Variants in CPHXL2 observed in about 807,000 individuals in gnomAD.
CPHXL2 encodes the protein cytoplasmic polyadenylated homeobox like 2, also known as cytoplasmic polyadenylated homeobox-like protein 2.
chr16:75,674,076 G>T, the CPHXL2 span, among the ~76,000 whole-genome samples: 1 of 150,588 alleles, frequency 6.6e-6, no homozygotes, highest in Admixed American at 6.6e-5. Flanking sequence ...CAAAAGAAGT[G>T]CAAAATCTGT....
chr16:75,670,993 C>T, the CPHXL2 span, among the ~76,000 whole-genome samples: 3 of 152,154 alleles, frequency 2.0e-5, no homozygotes, highest in African/African-American at 4.8e-5. Flanking sequence ...CCACTTCTTC[C>T]TCTTCTGATC....
chr16:75,674,495 T>G, the CPHXL2 span, among the ~76,000 whole-genome samples: 1 of 152,048 alleles, frequency 6.6e-6, no homozygotes, highest in African/African-American at 2.4e-5. Flanking sequence ...AACTTAATAT[T>G]GCTAATATAA....
At chr16:75,669,619 A>C in the CPHXL2 span, 1 of 398,150 alleles carries the variant, frequency 2.5e-6, no homozygotes, top group Non-Finnish European at 4.4e-6. Context: ...AGACCAAAGA[A>C]GAGTGTTAGC....
chr16:75,664,350 G>T, the CPHXL2 span, among the ~76,000 whole-genome samples: 3 of 152,162 alleles, frequency 2.0e-5, no homozygotes, highest in Non-Finnish European at 4.4e-5. Context: ...CTTCAGCCGG[G>T]TGCAGTGGCT....
chr16:75,664,454 C>T, the CPHXL2 span, among the ~76,000 whole-genome samples: 22 of 151,988 alleles, frequency 1.4e-4, no homozygotes, highest in Admixed American at 6.6e-4. Flanking sequence ...GGAGAAACCC[C>T]GTATTTACTA....
At chr16:75,665,713 AT>A in the CPHXL2 span, among the ~76,000 whole-genome samples, 1 of 152,140 alleles carries the variant, frequency 6.6e-6, no homozygotes, top group Non-Finnish European at 1.5e-5. Flanking sequence ...AAATACAAAA[AT>A]TATCTGGACA....
At chr16:75,672,953 G>A in the CPHXL2 span, among the ~76,000 whole-genome samples, 2 of 151,854 alleles carry the variant, frequency 1.3e-5, no homozygotes, top group Non-Finnish European at 2.9e-5. Flanking sequence ...GGTGGCACGT[G>A]CCTGTATTCC....
the CPHXL2 span, among the ~76,000 whole-genome samples, chr16:75,674,230 G>A: frequency 5.5e-5 from 8 of 145,266 alleles, no homozygotes; most frequent in African/African-American, 1.1e-4. Flanking sequence ...AAAATTAGCC[G>A]GGTGTGGTGG....
At chr16:75,664,025 C>CCAGA in the CPHXL2 span, among the ~76,000 whole-genome samples, 2 of 152,138 alleles carry the variant, frequency 1.3e-5, no homozygotes, top group Non-Finnish European at 2.9e-5. Context: ...TTATGGTAAC[C>CCAGA]CAGACATTCC....
At chr16:75,662,965 A>T in the CPHXL2 span, among the ~76,000 whole-genome samples, 2 of 151,718 alleles carry the variant, frequency 1.3e-5, no homozygotes, top group African/African-American at 4.8e-5. Context: ...AGCCCGGCTA[A>T]TTTTTTTTGT....
chr16:75,666,433 A>G, the CPHXL2 span, among the ~76,000 whole-genome samples: 5 of 152,000 alleles, frequency 3.3e-5, no homozygotes, highest in African/African-American at 1.2e-4. Flanking sequence ...CAGCCTGGCC[A>G]ATAAGTCTCT....
At chr16:75,665,451 C>T in the CPHXL2 span, among the ~76,000 whole-genome samples, 3 of 152,182 alleles carry the variant, frequency 2.0e-5, no homozygotes, top group Non-Finnish European at 4.4e-5. Flanking sequence ...TCTGCCACTA[C>T]CAAGCCACAC....
At chr16:75,674,242 A>G in the CPHXL2 span, among the ~76,000 whole-genome samples, 8 of 150,398 alleles carry the variant, frequency 5.3e-5, no homozygotes, top group Admixed American at 2.0e-4. Context: ...GTGTGGTGGC[A>G]GGCACCTGTA....
the CPHXL2 span, among the ~76,000 whole-genome samples, chr16:75,665,922 C>T: frequency 0.11 from 17,315 of 152,124 alleles, 2,606 homozygotes; most frequent in East Asian, 0.72. Context: ...TGGAATAGTA[C>T]CTCACATCTC....
the CPHXL2 span, chr16:75,660,590 TG>T: frequency 1.6e-4 from 64 of 398,640 alleles, 2 homozygotes; most frequent in South Asian, 1.7e-3. Flanking sequence ...GGTGCTGCTG[TG>T]GGTGATACTG....
the CPHXL2 span, among the ~76,000 whole-genome samples, chr16:75,661,713 G>A: frequency 6.6e-6 from 1 of 152,054 alleles, no homozygotes; most frequent in Admixed American, 6.5e-5. Context: ...CATTTCTGTT[G>A]CATATATGCA....
chr16:75,676,949 C>T, the CPHXL2 span: 1 of 398,528 alleles, frequency 2.5e-6, no homozygotes, highest in African/African-American at 2.1e-5. Context: ...AGTCTTCTCA[C>T]AACAAAACAC....
At chr16:75,670,611 C>A in the CPHXL2 span, among the ~76,000 whole-genome samples, 3 of 152,232 alleles carry the variant, frequency 2.0e-5, no homozygotes, top group Non-Finnish European at 4.4e-5. Context: ...TGGGTTCAAG[C>A]GATTCTTGCG....
At chr16:75,669,123 C>T in the CPHXL2 span, among the ~76,000 whole-genome samples, 14 of 152,048 alleles carry the variant, frequency 9.2e-5, no homozygotes, top group Non-Finnish European at 1.8e-4. Context: ...GACACCAGCC[C>T]GGGCAACATG....
Sources: gnomAD v4.1 joint callset for allele counts (sites outside exome capture counted in the v4.1 genomes callset) on GRCh38, gnomAD v4.1.1 for gene constraint, MANE v1.5 for transcripts, NCBI Gene and HGNC (gene_info 2026-07-23, HGNC 2026-07-21) for gene names.